Variants in AGAP3 observed in about 807,000 individuals in gnomAD.
The protein encoded by AGAP3 is arf-GAP with GTPase, ANK repeat and PH domain-containing protein 3.
AGAP3 carries 24 observed loss-of-function variants against 96.9 expected under a neutral mutation model. The ratio of observed to expected loss-of-function variants is 0.25; its 90% CI spans 0.18 to 0.35. The LOEUF is 0.35. Among genes scored for constraint, AGAP3 ranks in the 10% least tolerant of loss-of-function variants. AGAP3 has a pLI of 1.00. For synonymous variants in AGAP3, 563 were observed against 536.1 expected, an observed-to-expected ratio of 1.05 and a Z score of -0.69; for missense variants, 876 against 1,254.2, an observed-to-expected ratio of 0.70 and a Z score of 4.55.
chr7:151,100,419 G>A (rs923872062), intron 1 of AGAP3, among the ~76,000 whole-genome samples: 1 of 152,206 alleles, frequency 6.6e-6, no homozygotes, highest in East Asian at 1.9e-4. Context: ...GAGATGTGTC[G>A]CGTTCCACTT....
intron 11 of AGAP3, chr7:151,136,557 C>T (rs1800603657): frequency 6.6e-6 from 1 of 152,244 alleles, no homozygotes; most frequent in Non-Finnish European, 1.5e-5. Flanking sequence ...GAATTATCCT[C>T]CGAGGACTAA....
chr7:151,115,795 C>A (rs1041144908), intron 1 of AGAP3, among the ~76,000 whole-genome samples: 1 of 152,148 alleles, frequency 6.6e-6, no homozygotes, highest in African/African-American at 2.4e-5. Context: ...CTGGGGTCTT[C>A]GGCAGTGGCC....
chr7:151,125,661 TGCC>T lies in AGAP3; in HGVS notation c.1221+1780_1221+1782del, dbSNP rs571648565. 3.6e-3 allele frequency among the ~76,000 whole-genome samples: 546 copies of T among 152,222 alleles called. 2 individuals are homozygous for T. The highest frequency in any genetic ancestry group is 0.012 in the African/African-American group (490 of 41,558). On this transcript the variant is annotated intron_variant, in intron 9 of 17. Coordinates refer to ENST00000397238, the MANE Select transcript of AGAP3 (RefSeq NM_031946.7). ...GTGGCCATTCCTGGCGCTTCCCCGC[TGCC>T]GCCGGTCCAGCCCCGCCAGATCTGC...
Position 151,144,077 on chromosome 7 carries a change from G to T in AGAP3, c.*134G>T. 1.0e-6 allele frequency: 1 copy of T among 955,368 alleles called. No homozygotes were observed. The highest frequency in any genetic ancestry group is 2.6e-5 in the East Asian group (1 of 38,016). The allele number at this position is 955,368 out of a possible 1,614,324, so 59.2% of individuals were successfully genotyped here. A position where few individuals can be genotyped will look rare whatever the true frequency, so the allele number is the denominator to read the frequency against. ...AGAGGACGAAGCCAAGGAAATTAGG[G>T]AGGAGAGTCAAAGGGATCAAGGAGA... On this transcript the variant is annotated 3_prime_UTR_variant, in exon 18 of 18. Transcript: ENST00000397238.
chr7:151,122,599 C>T (rs1407729977), intron 8 of AGAP3: 4 of 1,057,968 alleles, frequency 3.8e-6, no homozygotes, highest in African/African-American at 1.6e-5. Context: ...CCTCCTCCTC[C>T]TCCTCCTCTT....
chr7:151,100,015 C>T (rs1585044883), intron 1 of AGAP3, among the ~76,000 whole-genome samples: 2 of 152,178 alleles, frequency 1.3e-5, no homozygotes, highest in South Asian at 2.1e-4. Flanking sequence ...GAAGAGCCCG[C>T]GGTGCTGCAG....
At position 151,144,084 on chromosome 7, in the gene AGAP3, G is replaced by A; in HGVS notation, c.*141G>A. On this transcript the variant is annotated 3_prime_UTR_variant, in exon 18 of 18. Coordinates refer to ENST00000397238, the MANE Select transcript of AGAP3 (RefSeq NM_031946.7). ...GAAGCCAAGGAAATTAGGGAGGAGA[G>A]TCAAAGGGATCAAGGAGAGTTGGGG... The A allele has an allele frequency of 4.6e-6, 4 of 877,880 alleles. No homozygotes were observed. Among genetic ancestry groups the A allele is most frequent in the Non-Finnish European group, 6.9e-6 (4 of 580,758 alleles). 54.4% of individuals were successfully genotyped at this position (877,880 alleles called of 1,614,324 possible).
chr7:151,124,184 G>A (rs1800056708), intron 9 of AGAP3, among the ~76,000 whole-genome samples: 1 of 152,224 alleles, frequency 6.6e-6, no homozygotes, highest in Non-Finnish European at 1.5e-5. Context: ...TTCTGGAGTT[G>A]GGTCTGGAGA....
In AGAP3 at chr7:151,133,682, C is replaced by CA. The variant is rs1475864490; in HGVS notation, c.1327-714dup. ...TTCTAAGCCTCAGTTGCTTCATCTA[C>CA]AAAACAGGCACTACCTCCCTCAGGT... On this transcript the variant is annotated intron_variant, in intron 10 of 17. Transcript: ENST00000397238. This position sits in a 1 kb window ranked among gnomAD's most constrained non-coding sequence, Gnocchi z 5.4. Among the ~76,000 whole-genome samples, 1 of 152,192 alleles carries CA rather than the reference C, an allele frequency of 6.6e-6. No homozygotes were observed. Among genetic ancestry groups the CA allele is most frequent in the Non-Finnish European group, 1.5e-5 (1 of 68,036 alleles).
At position 151,118,032 on chromosome 7, in the gene AGAP3, T is replaced by G; in HGVS notation, c.707-178T>G. The G allele has an allele frequency of 1.1e-6, 1 of 928,366 alleles. No homozygotes were observed. 57.5% of individuals were successfully genotyped at this position (928,366 alleles called of 1,614,324 possible). On this transcript the variant is annotated intron_variant, in intron 5 of 17. Transcript: ENST00000397238. The surrounding 1 kb of genome is among the most constrained non-coding windows in gnomAD (Gnocchi z 6.1). ...GCTCAGAGCTTAAGTGCTTGCTGGT[T>G]TGCACTCAGTGAGGCCATGGAAGGG... is the stretch of plus-strand genomic sequence containing the variant.
intron 10 of AGAP3, 68 bp from the exon 11 acceptor site, chr7:151,134,332 T>C: frequency 1.3e-6 from 2 of 1,563,200 alleles, no homozygotes; most frequent in East Asian, 4.5e-5. Flanking sequence ...ACCTAGGAGT[T>C]GCAAGGCTCA....
intron 9 of AGAP3, 55 bp downstream of exon 9, chr7:151,123,941 G>C (rs1800044553): frequency 1.3e-6 from 2 of 1,558,384 alleles, no homozygotes; most frequent in Admixed American, 3.4e-5. Flanking sequence ...CCAGGAATGT[G>C]GCGCTTCCCA....
Position 151,141,557 on chromosome 7 carries a change from C to T in AGAP3, c.1805-341C>T. The T allele has an allele frequency of 3.1e-6, 1 of 326,306 alleles. No individual in the cohort carries two copies. The highest frequency in any genetic ancestry group is 7.1e-5 in the East Asian group (1 of 14,152). 20.2% of individuals were successfully genotyped at this position (326,306 alleles called of 1,614,324 possible). Reference sequence around the variant, plus strand: ...TTGCCTCCTAGCACCCCGTCACATCCTTCTCCAGATACTCAGCTCTTTCTG... The same window carrying T: ...TTGCCTCCTAGCACCCCGTCACATCTTTCTCCAGATACTCAGCTCTTTCTG... On this transcript the variant is annotated intron_variant, in intron 13 of 17. Coordinates refer to ENST00000397238, the MANE Select transcript of AGAP3 (RefSeq NM_031946.7). The surrounding 1 kb of genome is among the most constrained non-coding windows in gnomAD (Gnocchi z 4.2).
chr7:151,090,652 C>T (rs35761234), intron 1 of AGAP3: 1,711 of 152,530 alleles, frequency 0.011, 15 homozygotes, highest in African/African-American at 0.023. Flanking sequence ...GAGAGTAAGA[C>T]GGTGCATGTG....
At chr7:151,098,953 C>G (rs1032143279) in intron 1 of AGAP3, among the ~76,000 whole-genome samples, 1 of 151,530 alleles carries the variant, frequency 6.6e-6, no homozygotes, top group African/African-American at 2.4e-5. Flanking sequence ...CCAGACTGGT[C>G]TCGAACTCCT....
At position 151,116,866 on chromosome 7, in the gene AGAP3, T is replaced by C. The variant is rs780838594; in HGVS notation, c.390+15T>C. ...AGCTTAAAGTGGTGAGTGTGGCCCA[T>C]GGGCAGCACCGGCGGCCTGGAGCTG... On this transcript the variant is annotated intron_variant, in intron 2 of 17. Transcript: ENST00000397238. The C allele has an allele frequency of 1.9e-6, 3 of 1,613,388 alleles. No individual in the cohort carries two copies. The highest frequency in any genetic ancestry group is 1.7e-6 in the Non-Finnish European group (2 of 1,179,736).
At chr7:151,097,978 T>C (rs1421881329) in intron 1 of AGAP3, among the ~76,000 whole-genome samples, 1 of 152,254 alleles carries the variant, frequency 6.6e-6, no homozygotes, top group Non-Finnish European at 1.5e-5. Flanking sequence ...CGCCTCCGCA[T>C]GGGACTGGCC....
intron 1 of AGAP3, among the ~76,000 whole-genome samples, chr7:151,094,150 G>T (rs1798505833): frequency 6.6e-6 from 1 of 152,176 alleles, no homozygotes; most frequent in South Asian, 2.1e-4. Flanking sequence ...TAGTGCTGAG[G>T]ATTGAGACCC....
At chr7:151,101,087 C>T (rs1387374510) in intron 1 of AGAP3, among the ~76,000 whole-genome samples, 1 of 152,218 alleles carries the variant, frequency 6.6e-6, no homozygotes, top group Non-Finnish European at 1.5e-5. Context: ...CCGCATCACT[C>T]ACCACCTCCC....
Sources: gnomAD v4.1 joint callset for allele counts (sites outside exome capture counted in the v4.1 genomes callset) on GRCh38, gnomAD v4.1.1 for gene constraint, Gnocchi (gnomAD v3.1) non-coding constraint, MANE v1.5 for transcripts, NCBI Gene and HGNC (gene_info 2026-07-23, HGNC 2026-07-21) for gene names.